The following C3orf70 variants were observed in gnomAD, a reference collection of about 807,000 sequenced individuals.
C3orf70 encodes the protein chromosome 3 open reading frame 70.
A neutral mutation model predicts 20.7 loss-of-function variants in C3orf70; 15 were observed. The ratio of observed to expected loss-of-function variants is 0.72; its 90% CI spans 0.48 to 1.11. The LOEUF (loss-of-function observed/expected upper bound fraction) is 1.11. Ranked by LOEUF, C3orf70 falls within the 50% of genes most tolerant of loss-of-function variation. C3orf70 has a pLI of 0.00. For missense variants in C3orf70, 332 were observed against 317.6 expected, an observed-to-expected ratio of 1.05 and a Z score of -0.34; for synonymous variants, 161 against 125.7, an observed-to-expected ratio of 1.28 and a Z score of -1.88.
chr3:185,093,211 G>A (rs1715631235), intron 1 of C3orf70, among the ~76,000 whole-genome samples: 1 of 152,138 alleles, frequency 6.6e-6, no homozygotes, highest in Non-Finnish European at 1.5e-5. Flanking sequence ...ACCTGTACAG[G>A]GCAGGAGCCC....
chr3:185,145,196 A>T (rs55709650), intron 1 of C3orf70, among the ~76,000 whole-genome samples: 10,171 of 152,314 alleles, frequency 0.067, 399 homozygotes, highest in South Asian at 0.1. Flanking sequence ...AATTAATGAG[A>T]TCTATAACAT....
chr3:185,099,195 AG>A (rs747534274), intron 1 of C3orf70, among the ~76,000 whole-genome samples: 16 of 152,212 alleles, frequency 1.1e-4, no homozygotes, highest in Non-Finnish European at 2.4e-4. Flanking sequence ...TTAGCTATAG[AG>A]GCCAACATTC....
chr3:185,137,954 A>G (rs886508261), intron 1 of C3orf70, among the ~76,000 whole-genome samples: 5 of 152,218 alleles, frequency 3.3e-5, no homozygotes, highest in Admixed American at 1.3e-4. Context: ...TCAATGAAAC[A>G]AAGAGCTGCC....
intron 1 of C3orf70, among the ~76,000 whole-genome samples, chr3:185,121,817 T>C (rs1303307277): frequency 1.3e-5 from 2 of 152,106 alleles, no homozygotes; most frequent in Non-Finnish European, 2.9e-5. Flanking sequence ...AGCAAGAGCA[T>C]GGCCGGGCAT....
intron 1 of C3orf70, among the ~76,000 whole-genome samples, chr3:185,101,144 A>C (rs1561338227): frequency 6.6e-6 from 1 of 152,234 alleles, no homozygotes; most frequent in African/African-American, 2.4e-5. Context: ...AACTATTCCA[A>C]TAAATTAAGG....
At chr3:185,101,720 G>A (rs1577322310) in intron 1 of C3orf70, among the ~76,000 whole-genome samples, 1 of 152,186 alleles carries the variant, frequency 6.6e-6, no homozygotes, top group African/African-American at 2.4e-5. Flanking sequence ...ACACTAGGGG[G>A]ATGGTGCTAA....
chr3:185,151,936 G>A (rs905810997), intron 1 of C3orf70, among the ~76,000 whole-genome samples: 4 of 152,192 alleles, frequency 2.6e-5, no homozygotes, highest in African/African-American at 9.7e-5. Context: ...TTTGGTTCTA[G>A]CTTTTATAAA....
intron 1 of C3orf70, among the ~76,000 whole-genome samples, chr3:185,107,351 A>G (rs1209306557): frequency 6.6e-6 from 1 of 152,202 alleles, no homozygotes; most frequent in Admixed American, 6.5e-5. Flanking sequence ...AACAATGGGG[A>G]GCACAAGTTC....
At chr3:185,132,603 T>C (rs973205216) in intron 1 of C3orf70, among the ~76,000 whole-genome samples, 1 of 151,712 alleles carries the variant, frequency 6.6e-6, no homozygotes, top group Non-Finnish European at 1.5e-5. Flanking sequence ...ACAGACAATA[T>C]AAAATAAAGG....
intron 1 of C3orf70, among the ~76,000 whole-genome samples, chr3:185,110,407 G>C (rs186819992): frequency 2.5e-4 from 38 of 152,342 alleles, no homozygotes; most frequent in Non-Finnish European, 3.7e-4. Flanking sequence ...AATGACGATT[G>C]TGCTTTTAAT....
intron 1 of C3orf70, among the ~76,000 whole-genome samples, chr3:185,125,169 C>T (rs1442379146): frequency 6.6e-6 from 1 of 152,040 alleles, no homozygotes; most frequent in East Asian, 1.9e-4. Context: ...CACCTGAGGT[C>T]GGGAGTTCGA....
At chr3:185,143,244 G>A (rs1716793785) in intron 1 of C3orf70, among the ~76,000 whole-genome samples, 1 of 152,104 alleles carries the variant, frequency 6.6e-6, no homozygotes, top group Non-Finnish European at 1.5e-5. Flanking sequence ...AAATGTATTG[G>A]GGGGAAAGGC....
chr3:185,099,727 T>C (rs1479636175), intron 1 of C3orf70, among the ~76,000 whole-genome samples: 1 of 152,196 alleles, frequency 6.6e-6, no homozygotes, highest in Non-Finnish European at 1.5e-5. Context: ...TAACCTTGAA[T>C]GTAAACGGGC....
intron 1 of C3orf70, among the ~76,000 whole-genome samples, chr3:185,094,307 C>A (rs1715656210): frequency 6.6e-6 from 1 of 152,080 alleles, no homozygotes; most frequent in South Asian, 2.1e-4. Flanking sequence ...AAAATCCTGA[C>A]CTCAAGTGAT....
Position 185,083,445 on chromosome 3 carries a change from A to G in C3orf70, c.315T>C (p.Phe105=), listed in dbSNP as rs1715396559. The change falls in exon 2 of 2, where the codon TTT becomes TTC. Residue 105 remains phenylalanine (F), a synonymous_variant. Coordinates refer to ENST00000335012, the MANE Select transcript of C3orf70 (RefSeq NM_001025266.3). The part of the protein sequence containing the change: ...IQISVSLTEH[F]LKFASVFQPP... ...GCTGGAAGACAGATGCAAATTTCAA[A>G]AAGTGTTCGGTGAGCGAGACTGAGA... is the stretch of plus-strand genomic sequence containing the variant. The G allele has an allele frequency of 6.2e-7, 1 of 1,614,158 alleles. No individual in the cohort carries two copies.
chr3:185,130,449 T>G (rs1242090807), intron 1 of C3orf70, among the ~76,000 whole-genome samples: 12 of 152,308 alleles, frequency 7.9e-5, no homozygotes, highest in Admixed American at 4.6e-4. Flanking sequence ...CTATTCTTCA[T>G]ATAATTTTTA....
At chr3:185,145,828 G>A (rs986424102) in intron 1 of C3orf70, among the ~76,000 whole-genome samples, 17 of 152,184 alleles carry the variant, frequency 1.1e-4, no homozygotes, top group African/African-American at 4.1e-4. Flanking sequence ...ATTACAAAAA[G>A]TTATGTGCCT....
At chr3:185,084,310 A>C (rs1715416055) in intron 1 of C3orf70, among the ~76,000 whole-genome samples, 1 of 152,082 alleles carries the variant, frequency 6.6e-6, no homozygotes. Context: ...TAAGTTTATC[A>C]TCAGAATTAT....
At chr3:185,138,943 A>T (rs1360052910) in intron 1 of C3orf70, among the ~76,000 whole-genome samples, 1 of 151,894 alleles carries the variant, frequency 6.6e-6, no homozygotes, top group Non-Finnish European at 1.5e-5. Context: ...CTACAAAAAA[A>T]GTTTTTTAAT....
Sources: gnomAD v4.1 joint callset for allele counts (sites outside exome capture counted in the v4.1 genomes callset) on GRCh38, gnomAD v4.1.1 for gene constraint, MANE v1.5 for transcripts, NCBI Gene and HGNC (gene_info 2026-07-23, HGNC 2026-07-21) for gene names.